Variants in EXOC4 observed in about 807,000 individuals in gnomAD.
The protein encoded by EXOC4 is SEC8-like 1.
EXOC4 carries 71 observed loss-of-function variants against 107.2 expected under a neutral mutation model. The observed-to-expected ratio is 0.66, with a 90% CI of 0.55 to 0.81. The LOEUF (loss-of-function observed/expected upper bound fraction) is 0.81. Ranked by LOEUF, EXOC4 falls within the 30% of genes least tolerant of loss-of-function variation. The pLI is 0.00. For synonymous variants in EXOC4, 456 were observed against 441.2 expected (o/e 1.03, Z -0.42); for missense variants, 1,108 against 1,189.6 (o/e 0.93, Z 1.01).
the EXOC4 span, among the ~76,000 whole-genome samples, chr7:134,091,211 G>A: frequency 6.6e-6 from 1 of 152,122 alleles, no homozygotes; most frequent in Non-Finnish European, 1.5e-5. Flanking sequence ...ATAAAAGAAT[G>A]GCTACTCCAT....
In EXOC4 at chr7:133,265,945, GTGAC is replaced by G. The variant is rs556999846; in HGVS notation, c.87-9033_87-9030del. 4.8e-3 allele frequency among the ~76,000 whole-genome samples: 734 copies of G among 152,324 alleles called. 5 individuals are homozygous for G. The highest frequency in any genetic ancestry group is 0.017 in the African/African-American group (715 of 41,574). On this transcript the variant is annotated intron_variant, in intron 1 of 17. Coordinates refer to ENST00000253861, the MANE Select transcript of EXOC4 (RefSeq NM_021807.4). ...TCTGTGTTGCTTCTGACTAAGGAGA[GTGAC>G]TGATAACATTTATCTTGAAAAATTA...
chr7:133,302,396 T>G (rs968760427), intron 3 of EXOC4, among the ~76,000 whole-genome samples: 1 of 152,180 alleles, frequency 6.6e-6, no homozygotes, highest in African/African-American at 2.4e-5. Flanking sequence ...AAAAATTCAC[T>G]GGTAGTCATA....
intron 11 of EXOC4, among the ~76,000 whole-genome samples, chr7:133,869,040 A>G (rs1400218537): frequency 7.1e-6 from 1 of 141,142 alleles, no homozygotes; most frequent in Non-Finnish European, 1.5e-5. Flanking sequence ...CTTCATATGC[A>G]TGCACTGCAC....
At chr7:133,617,048 C>T (rs779632406) in intron 9 of EXOC4, among the ~76,000 whole-genome samples, 1 of 152,104 alleles carries the variant, frequency 6.6e-6, no homozygotes, top group African/African-American at 2.4e-5. Flanking sequence ...CAAAGTTAGA[C>T]AGAGAACTTT....
At chr7:133,764,060 T>C (rs1796087653) in intron 10 of EXOC4, among the ~76,000 whole-genome samples, 2 of 152,104 alleles carry the variant, frequency 1.3e-5, no homozygotes, top group Admixed American at 6.6e-5. Flanking sequence ...TTGTGAATGG[T>C]GACAATACTC....
intron 9 of EXOC4, among the ~76,000 whole-genome samples, chr7:133,571,119 A>AT (rs1412376422): frequency 6.6e-6 from 1 of 152,184 alleles, no homozygotes; most frequent in African/African-American, 2.4e-5. Context: ...AAAGAACGAT[A>AT]TTTTTTAAAG....
chr7:133,627,361 T>A (rs561528469), intron 9 of EXOC4, among the ~76,000 whole-genome samples: 1 of 152,322 alleles, frequency 6.6e-6, no homozygotes, highest in South Asian at 2.1e-4. Flanking sequence ...TAGTCAGGTC[T>A]GAATTTAATT....
chr7:133,749,729 C>A (rs1795751781), intron 10 of EXOC4, among the ~76,000 whole-genome samples: 1 of 152,038 alleles, frequency 6.6e-6, no homozygotes, highest in Non-Finnish European at 1.5e-5. Flanking sequence ...CATAAGTAAA[C>A]CTAATCTTGT....
chr7:133,502,988 C>T (rs1799601916), intron 9 of EXOC4, among the ~76,000 whole-genome samples: 1 of 152,080 alleles, frequency 6.6e-6, no homozygotes, highest in Non-Finnish European at 1.5e-5. Context: ...TTCATATTTG[C>T]ATGTATGATG....
At chr7:134,093,419 TA>T in the EXOC4 span, among the ~76,000 whole-genome samples, 5 of 152,132 alleles carry the variant, frequency 3.3e-5, no homozygotes, top group Non-Finnish European at 7.4e-5. Context: ...CCCAGATTAT[TA>T]AAACAAGTAC....
intron 10 of EXOC4, among the ~76,000 whole-genome samples, chr7:133,662,041 C>T (rs548136951): frequency 5.9e-5 from 9 of 152,142 alleles, no homozygotes; most frequent in South Asian, 2.1e-4. Context: ...AAAAACTCCA[C>T]GAAGGTAGTA....
intron 11 of EXOC4, among the ~76,000 whole-genome samples, chr7:133,871,607 T>C (rs1184029790): frequency 6.6e-6 from 1 of 152,154 alleles, no homozygotes; most frequent in African/African-American, 2.4e-5. Context: ...TCATCCCCAA[T>C]GATTCAGTCA....
At chr7:133,909,478 A>T (rs1306894960) in intron 12 of EXOC4, among the ~76,000 whole-genome samples, 2 of 152,134 alleles carry the variant, frequency 1.3e-5, no homozygotes, top group East Asian at 1.9e-4. Context: ...GGGAAAGAGC[A>T]CTCCAGGTGG....
At chr7:133,649,764 C>T (rs1803093828) in intron 10 of EXOC4, among the ~76,000 whole-genome samples, 1 of 152,026 alleles carries the variant, frequency 6.6e-6, no homozygotes, top group Non-Finnish European at 1.5e-5. Flanking sequence ...CTGATAGTGG[C>T]TTGAAGTGGT....
At chr7:133,666,844 A>G (rs1441594868) in intron 10 of EXOC4, among the ~76,000 whole-genome samples, 1 of 152,000 alleles carries the variant, frequency 6.6e-6, no homozygotes, top group East Asian at 1.9e-4. Flanking sequence ...TCCTTCTTCA[A>G]CTCTGTTCAA....
At chr7:133,941,823 C>CTCTCTCTCTCTCTCTCTCTCTCTA (rs1800436888) in intron 14 of EXOC4, among the ~76,000 whole-genome samples, 1 of 146,064 alleles carries the variant, frequency 6.8e-6, no homozygotes, top group Admixed American at 6.8e-5. Flanking sequence ...CTTACAGATT[C>CTCTCTCTCTCTCTCTCTCTCTCTA]TCTCTCTCTC....
intron 10 of EXOC4, among the ~76,000 whole-genome samples, chr7:133,726,968 T>C (rs1310558129): frequency 1.3e-5 from 2 of 152,250 alleles, no homozygotes; most frequent in African/African-American, 4.8e-5. Flanking sequence ...CCTAAACTCC[T>C]GAAGGCTCCA....
chr7:133,910,602 G>A (rs529359933), intron 12 of EXOC4, among the ~76,000 whole-genome samples: 1 of 152,094 alleles, frequency 6.6e-6, no homozygotes, highest in African/African-American at 2.4e-5. Flanking sequence ...TTTTGTTTTT[G>A]TGTTTGTTTT....
intron 15 of EXOC4, 109 bp downstream of exon 15, chr7:133,997,742 T>C: frequency 1.6e-6 from 2 of 1,276,448 alleles, no homozygotes; most frequent in South Asian, 2.9e-5. Context: ...ATATTATTGA[T>C]GTTATCCCTT....
Sources: gnomAD v4.1 joint callset for allele counts (sites outside exome capture counted in the v4.1 genomes callset) on GRCh38, gnomAD v4.1.1 for gene constraint, MANE v1.5 for transcripts, NCBI Gene and HGNC (gene_info 2026-07-23, HGNC 2026-07-21) for gene names.